The following EYS variants were observed in gnomAD, a reference collection of about 807,000 sequenced individuals.
EYS encodes EGF-like photoreceptor maintenance factor.
Under a neutral mutation model 282.1 loss-of-function variants are expected in EYS, and 250 were observed. The observed-to-expected ratio is 0.89, with a 90% CI of 0.80 to 0.98. The LOEUF (loss-of-function observed/expected upper bound fraction) is 0.98, where lower values mean the gene tolerates loss of function less well. EYS is among the 50% of genes least tolerant of loss of function. EYS has a pLI of 0.00. For missense variants in EYS, 4,016 were observed against 3,709.0 expected (o/e 1.08, Z -2.15); for synonymous variants, 1,355 against 1,282.9 (o/e 1.06, Z -1.20).
At chr6:65,139,262 A>T (rs1281899116) in intron 12 of EYS, among the ~76,000 whole-genome samples, 1 of 152,104 alleles carries the variant, frequency 6.6e-6, no homozygotes, top group Non-Finnish European at 1.5e-5. Flanking sequence ...TAAAAAAAGA[A>T]TGAGATCACA....
chr6:64,890,414 C>T (rs1279581315), intron 18 of EYS, among the ~76,000 whole-genome samples: 1 of 152,124 alleles, frequency 6.6e-6, no homozygotes, highest in Non-Finnish European at 1.5e-5. Context: ...TGTGAGGCAT[C>T]ACGGAACCTA....
chr6:65,533,803 T>C (rs1767870942), intron 2 of EYS, among the ~76,000 whole-genome samples: 1 of 152,108 alleles, frequency 6.6e-6, no homozygotes, highest in African/African-American at 2.4e-5. Context: ...AAAATACATT[T>C]CTGTTGTTTA....
intron 15 of EYS, among the ~76,000 whole-genome samples, chr6:64,923,223 A>C (rs2150082804): frequency 6.6e-6 from 1 of 152,236 alleles, no homozygotes; most frequent in Admixed American, 6.5e-5. Context: ...GGGAGGCGAA[A>C]GGTATGTCTT....
At chr6:64,829,114 T>A (rs529124369) in intron 19 of EYS, among the ~76,000 whole-genome samples, 26 of 151,978 alleles carry the variant, frequency 1.7e-4, no homozygotes, top group African/African-American at 6.3e-4. Context: ...ACTATCTGGG[T>A]CAGGGAAATA....
intron 31 of EYS, among the ~76,000 whole-genome samples, chr6:64,088,525 C>A (rs975032001): frequency 6.6e-6 from 1 of 151,796 alleles, no homozygotes; most frequent in Non-Finnish European, 1.5e-5. Flanking sequence ...GATGGAGAAT[C>A]TTTTAAGTTC....
At chr6:64,090,754 T>G (rs1202325565) in intron 31 of EYS, among the ~76,000 whole-genome samples, 5 of 152,080 alleles carry the variant, frequency 3.3e-5, no homozygotes, top group African/African-American at 1.2e-4. Flanking sequence ...AACTTCTTCC[T>G]TTGTTCCTCT....
At chr6:64,455,295 A>C (rs1775517436) in intron 26 of EYS, among the ~76,000 whole-genome samples, 1 of 152,156 alleles carries the variant, frequency 6.6e-6, no homozygotes, top group Non-Finnish European at 1.5e-5. Context: ...ATAGTTTACT[A>C]GTTTATTCCC....
At chr6:63,925,229 A>C (rs562905425) in intron 35 of EYS, among the ~76,000 whole-genome samples, 1 of 152,336 alleles carries the variant, frequency 6.6e-6, no homozygotes, top group South Asian at 2.1e-4. Context: ...AATATCCATG[A>C]AAAATGTACA....
At chr6:64,992,007 A>T (rs1771082170) in intron 14 of EYS, among the ~76,000 whole-genome samples, 1 of 151,814 alleles carries the variant, frequency 6.6e-6, no homozygotes, top group Admixed American at 6.6e-5. Flanking sequence ...AGTACACATC[A>T]AAATCACAAG....
intron 5 of EYS, among the ~76,000 whole-genome samples, chr6:65,445,192 A>C (rs913614979): frequency 2.0e-5 from 3 of 151,870 alleles, no homozygotes; most frequent in African/African-American, 4.8e-5. Context: ...GACAAGCCAA[A>C]GGTCTAGGTT....
At chr6:65,199,871 T>G (rs569289288) in intron 12 of EYS, among the ~76,000 whole-genome samples, 10 of 152,058 alleles carry the variant, frequency 6.6e-5, no homozygotes, top group African/African-American at 1.9e-4. Context: ...GGAGATGAGG[T>G]TGAAACAGGA....
intron 29 of EYS, among the ~76,000 whole-genome samples, chr6:64,329,428 T>C (rs2150389440): frequency 6.6e-6 from 1 of 152,204 alleles, no homozygotes; most frequent in East Asian, 1.9e-4. Flanking sequence ...ATAATGACGC[T>C]TACTGTCCCA....
intron 2 of EYS, among the ~76,000 whole-genome samples, chr6:65,515,428 A>G (rs1437656582): frequency 6.6e-6 from 1 of 152,084 alleles, no homozygotes; most frequent in Admixed American, 6.5e-5. Flanking sequence ...TGACCCAGCC[A>G]TCCCATTACT....
chr6:64,031,522 G>A (rs925345578), intron 33 of EYS, among the ~76,000 whole-genome samples: 6 of 152,238 alleles, frequency 3.9e-5, no homozygotes, highest in Non-Finnish European at 7.3e-5. Flanking sequence ...GCAGGGCGCA[G>A]GACTGGCAGG....
intron 22 of EYS, among the ~76,000 whole-genome samples, chr6:64,657,412 T>A (rs1243323790): frequency 6.6e-6 from 1 of 152,176 alleles, no homozygotes; most frequent in Non-Finnish European, 1.5e-5. Flanking sequence ...GTTAGCTGGT[T>A]ATTTTGCTCA....
intron 22 of EYS, among the ~76,000 whole-genome samples, chr6:64,754,575 CA>C: frequency 6.6e-6 from 1 of 151,962 alleles, no homozygotes; most frequent in East Asian, 1.9e-4. Flanking sequence ...AATATAGATA[CA>C]AAAATCTTCA....
intron 31 of EYS, among the ~76,000 whole-genome samples, chr6:64,159,549 G>A (rs1011631154): frequency 9.1e-6 from 1 of 109,592 alleles, no homozygotes; most frequent in East Asian, 2.9e-4. Flanking sequence ...GACAGAGCGA[G>A]ACTCTGTCTT....
intron 2 of EYS, among the ~76,000 whole-genome samples, chr6:65,507,177 A>G (rs1330104488): frequency 6.6e-6 from 1 of 151,708 alleles, no homozygotes; most frequent in Non-Finnish European, 1.5e-5. Context: ...TCACTTTTAA[A>G]GTATCATTTT....
chr6:65,337,733 GA>G (rs1424733484), intron 10 of EYS, among the ~76,000 whole-genome samples: 4 of 150,592 alleles, frequency 2.7e-5, no homozygotes, highest in Non-Finnish European at 5.9e-5. Flanking sequence ...ATTCTTTATG[GA>G]AAAATGCCTA....
Sources: allele counts gnomAD v4.1 joint callset (sites outside exome capture counted in the v4.1 genomes callset), GRCh38; gene constraint gnomAD v4.1.1; transcripts MANE v1.5; gene names NCBI Gene and HGNC (gene_info 2026-07-23, HGNC 2026-07-21).